SLC39A3: variants seen among roughly 807,000 people sequenced by gnomAD.
SLC39A3 encodes solute carrier family 39 member 3.
A neutral mutation model predicts 5.1 loss-of-function variants in SLC39A3; 3 were observed. The observed-to-expected ratio is 0.59, with a 90% CI of 0.27 to 1.54. The LOEUF is 1.54. SLC39A3 is among the 40% of genes most tolerant of loss of function. The pLI, the probability that SLC39A3 is intolerant of heterozygous loss-of-function variation, is 0.12. For missense variants in SLC39A3, 412 were observed against 436.4 expected, an observed-to-expected ratio of 0.94 and a Z score of 0.50; for synonymous variants, 250 against 218.8, an observed-to-expected ratio of 1.14 and a Z score of -1.26.
chr19:2,732,784 G>C lies in SLC39A3; in HGVS notation c.912C>G (p.Thr304=), dbSNP rs571363464. Reference sequence around the variant, plus strand: ...TGAGGAAGACCATCCCGGCCAGGACGGTGTAGCCCAGCACCAGGAAGAGGA... The same window carrying C: ...TGAGGAAGACCATCCCGGCCAGGACCGTGTAGCCCAGCACCAGGAAGAGGA... ...LKVLFLVLGY[T]VLAGMVFLKW is the part of the protein sequence containing the mutation. Residue 304 remains threonine (T), a synonymous_variant, in exon 3 of 3, where the codon ACC becomes ACG. Coordinates refer to ENST00000269740, the MANE Select transcript of SLC39A3 (RefSeq NM_144564.5). 1 of 1,600,166 alleles carries C rather than the reference G, an allele frequency of 6.2e-7. No homozygotes were observed. Among genetic ancestry groups the C allele is most frequent in the South Asian group, 1.1e-5 (1 of 89,974 alleles).
In SLC39A3 at chr19:2,733,255, G is replaced by A. The variant is rs768376643; in HGVS notation, c.441C>T (p.Tyr147=). The change falls in exon 3 of 3, where the codon TAC becomes TAT. Residue 147 remains tyrosine (Y), a synonymous_variant. Transcript: ENST00000269740. The surrounding 1 kb of genome is among the most constrained non-coding windows in gnomAD (Gnocchi z 6.1). ...TGGGGCCGTGGCCGTGGGGCTCCAC[G>A]TACAGCGCGTGGCCCCGCGCGCCCC... ...FMGGARGHAL[Y]VEPHGHGPSL... is the part of the protein sequence containing the mutation. 20 of 1,611,404 alleles carry A rather than the reference G, an allele frequency of 1.2e-5. No individual in the cohort carries two copies. Among genetic ancestry groups the A allele is most frequent in the Admixed American group, 3.3e-5 (2 of 59,912 alleles).
chr19:2,732,684 G>A lies in SLC39A3; in HGVS notation c.*67C>T. 2 of 1,462,282 alleles carry A rather than the reference G, an allele frequency of 1.4e-6. No homozygotes were observed. Among genetic ancestry groups the A allele is most frequent in the East Asian group, 2.5e-5 (1 of 40,420 alleles). The allele number at this position is 1,462,282 out of a possible 1,614,324, so 90.6% of individuals were successfully genotyped here. On this transcript the variant is annotated 3_prime_UTR_variant, in exon 3 of 3. Transcript: ENST00000269740. ...CGCTCTTGGGGGACGCGCGGCCGGG[G>A]GACGCGGCCTGTGTCCGGCCCGGGG...
intron 1 of SLC39A3, among the ~76,000 whole-genome samples, chr19:2,738,220 A>C (rs946303723): frequency 2.7e-5 from 4 of 149,232 alleles, no homozygotes; most frequent in South Asian, 4.3e-4. Flanking sequence ...AAAAAAAAAA[A>C]CTAAATAAAA....
Position 2,735,161 on chromosome 19 carries a change from A to T in SLC39A3, c.211-1676T>A. The stretch of plus-strand genomic sequence containing the variant: ...GGGTGACACCATGACCATGGGGGAA[A>T]AGGGGGGCTGGCAGTGGCCTCTGCG... On this transcript the variant is annotated intron_variant, in intron 2 of 2. Coordinates refer to ENST00000269740, the MANE Select transcript of SLC39A3 (RefSeq NM_144564.5). The surrounding 1 kb of genome is among the most constrained non-coding windows in gnomAD (Gnocchi z 5.7). 1.0e-6 allele frequency: 1 copy of T among 985,410 alleles called. No homozygotes were observed. The highest frequency in any genetic ancestry group is 1.2e-6 in the Non-Finnish European group (1 of 829,960). 61.0% of individuals were successfully genotyped at this position (985,410 alleles called of 1,614,324 possible). A position where few individuals can be genotyped will look rare whatever the true frequency, so the allele number is the denominator to read the frequency against.
chr19:2,735,039 G>A lies in SLC39A3; in HGVS notation c.211-1554C>T, dbSNP rs868368596. 3.9e-5 allele frequency: 38 copies of A among 985,372 alleles called. No homozygotes were observed. The East Asian group carries it at 4.5e-4, about 12-fold the overall frequency. The allele number at this position is 985,372 out of a possible 1,614,324, so 61.0% of individuals were successfully genotyped here. ...ACCAGCCCGAGGACAGGAGAACGGC[G>A]GGAAAGGTTTGGGTGCCATGAGAAG... is the stretch of plus-strand genomic sequence containing the variant. On this transcript the variant is annotated intron_variant, in intron 2 of 2. Coordinates refer to ENST00000269740, the MANE Select transcript of SLC39A3 (RefSeq NM_144564.5). The surrounding 1 kb of genome is among the most constrained non-coding windows in gnomAD (Gnocchi z 5.7).
rs1914396806 is a variant in SLC39A3 at position 2,737,170 on chromosome 19, T to C, written c.88A>G (p.Ile30Val). Residue 30 changes from isoleucine to valine, a missense_variant, in exon 2 of 3, where the codon ATC becomes GTC. Transcript: ENST00000269740. ...LLGSLLPVKI[I>V]ETDFEKAHRS... ...TGGGCCTTCTCAAAATCTGTCTCGATGATCTTCACGGGGAGCAGGGAGCCG... is the reference window on the plus strand; with the variant it reads ...TGGGCCTTCTCAAAATCTGTCTCGACGATCTTCACGGGGAGCAGGGAGCCG... 1.2e-6 allele frequency: 2 copies of C among 1,614,010 alleles called. No homozygotes were observed. Among genetic ancestry groups the C allele is most frequent in the East Asian group, 2.2e-5 (1 of 44,888 alleles).
Position 2,733,241 on chromosome 19 carries a change from CCGTGGGGCTCCACGTACAG to C in SLC39A3, c.436_454del (p.Leu146AlafsTer6). 6.2e-7 allele frequency: 1 copy of C among 1,609,138 alleles called. No individual in the cohort carries two copies. Among genetic ancestry groups the C allele is most frequent in the Non-Finnish European group, 8.5e-7 (1 of 1,177,740 alleles). ...CTGCACGCTCAGGCTGGGGCCGTGG[CCGTGGGGCTCCACGTACAG>C]CGCGTGGCCCCGCGCGCCCCCCATG... On this transcript the variant is annotated frameshift_variant, in exon 3 of 3. Transcript: ENST00000269740. LOFTEE classifies it low-confidence loss of function (END_TRUNC). This position sits in a 1 kb window ranked among gnomAD's most constrained non-coding sequence, Gnocchi z 6.1.
Position 2,737,168 on chromosome 19 carries a change from G to T in SLC39A3, c.90C>A (p.Ile30=), listed in dbSNP as rs1339509139. ...GATGGGCCTTCTCAAAATCTGTCTC[G>T]ATGATCTTCACGGGGAGCAGGGAGC... is the stretch of plus-strand genomic sequence containing the variant. The part of the protein sequence containing the change: ...LLGSLLPVKI[I]ETDFEKAHRS... The change falls in exon 2 of 3, where the codon ATC becomes ATA. Residue 30 remains isoleucine (I), a synonymous_variant. Coordinates refer to ENST00000269740, the MANE Select transcript of SLC39A3 (RefSeq NM_144564.5). 6.2e-7 allele frequency: 1 copy of T among 1,614,080 alleles called. No individual in the cohort carries two copies. The highest frequency in any genetic ancestry group is 8.5e-7 in the Non-Finnish European group (1 of 1,180,008).
Position 2,733,396 on chromosome 19 carries a change from G to T in SLC39A3, c.300C>A (p.Phe100Leu), listed in dbSNP as rs11539244. The part of the protein sequence containing the change: ...ILLLGFFMTV[F>L]LEQLILTFRK... Reference sequence around the variant, plus strand: ...GGAAGGTCAGGATCAGCTGCTCCAGGAAGACGGTCATGAAGAAGCCCAGCA... The same window carrying T: ...GGAAGGTCAGGATCAGCTGCTCCAGTAAGACGGTCATGAAGAAGCCCAGCA... Residue 100 changes from phenylalanine (F) to leucine (L), a missense_variant, in exon 3 of 3, where the codon TTC becomes TTA. By Grantham distance (22) the Phe-to-Leu change is conservative. Coordinates refer to ENST00000269740, the MANE Select transcript of SLC39A3 (RefSeq NM_144564.5). This position sits in a 1 kb window ranked among gnomAD's most constrained non-coding sequence, Gnocchi z 6.1. The T allele has an allele frequency of 8.2e-5, 132 of 1,612,998 alleles. No individual in the cohort carries two copies. The highest frequency in any genetic ancestry group is 1.1e-4 in the Non-Finnish European group (124 of 1,180,022).
In SLC39A3 at chr19:2,735,118, G is replaced by A; in HGVS notation, c.211-1633C>T. The stretch of plus-strand genomic sequence containing the variant: ...AAGCTCCCCGCAGTCGCCCAGGCCT[G>A]CAGTCAGAGGGTGACGGGGGTGACA... On this transcript the variant is annotated intron_variant, in intron 2 of 2. Coordinates refer to ENST00000269740, the MANE Select transcript of SLC39A3 (RefSeq NM_144564.5). The surrounding 1 kb of genome is among the most constrained non-coding windows in gnomAD (Gnocchi z 5.7). The A allele has an allele frequency of 6.1e-6, 6 of 985,366 alleles. No homozygotes were observed. The highest frequency in any genetic ancestry group is 6.0e-6 in the Non-Finnish European group (5 of 829,934). The allele number at this position is 985,366 out of a possible 1,614,324, so 61.0% of individuals were successfully genotyped here.
At position 2,735,615 on chromosome 19, in the gene SLC39A3, C is replaced by T. The variant is rs1360802269; in HGVS notation, c.210+1433G>A. ...GGGTGAGTGGCTCACCTGATTAGGC[C>T]AGGCCCACCCCCTCCCTTTTGATGA... On this transcript the variant is annotated intron_variant, in intron 2 of 2. Coordinates refer to ENST00000269740, the MANE Select transcript of SLC39A3 (RefSeq NM_144564.5). This position sits in a 1 kb window ranked among gnomAD's most constrained non-coding sequence, Gnocchi z 5.7. 1 of 166,652 alleles carries T rather than the reference C, an allele frequency of 6.0e-6. No individual in the cohort carries two copies. The highest frequency in any genetic ancestry group is 2.4e-5 in the African/African-American group (1 of 41,706). 10.3% of individuals were successfully genotyped at this position (166,652 alleles called of 1,614,324 possible).
chr19:2,734,132 C>T lies in SLC39A3; in HGVS notation c.211-647G>A, dbSNP rs2144695822. ...GCAGGGCGTCTGCAAGAGGTACACA[C>T]TCCTATGGGAGGGACAGCTGCTCAC... is the stretch of plus-strand genomic sequence containing the variant. On this transcript the variant is annotated intron_variant, in intron 2 of 2. Transcript: ENST00000269740. The surrounding 1 kb of genome is among the most constrained non-coding windows in gnomAD (Gnocchi z 4.6). Among the ~76,000 whole-genome samples, 1 of 152,348 alleles carries T rather than the reference C, an allele frequency of 6.6e-6. No homozygotes were observed. The highest frequency in any genetic ancestry group is 1.9e-4 in the East Asian group (1 of 5,176).
Position 2,735,605 on chromosome 19 carries a change from C to T in SLC39A3, c.210+1443G>A. 1 of 161,842 alleles carries T rather than the reference C, an allele frequency of 6.2e-6. No homozygotes were observed. 10.0% of individuals were successfully genotyped at this position (161,842 alleles called of 1,614,324 possible). A position where few individuals can be genotyped will look rare whatever the true frequency, so the allele number is the denominator to read the frequency against. On this transcript the variant is annotated intron_variant, in intron 2 of 2. Coordinates refer to ENST00000269740, the MANE Select transcript of SLC39A3 (RefSeq NM_144564.5). This position sits in a 1 kb window ranked among gnomAD's most constrained non-coding sequence, Gnocchi z 5.7. ...GCCAGCAGGAGGGTGAGTGGCTCAC[C>T]TGATTAGGCCAGGCCCACCCCCTCC...
chr19:2,733,416 C>T lies in SLC39A3; in HGVS notation c.280G>A (p.Gly94Ser), dbSNP rs1253481502. 1 of 1,612,960 alleles carries T rather than the reference C, an allele frequency of 6.2e-7. No individual in the cohort carries two copies. Among genetic ancestry groups the T allele is most frequent in the Admixed American group, 1.7e-5 (1 of 60,016 alleles). Residue 94 changes from glycine to serine, a missense_variant, in exon 3 of 3, where the codon GGC (glycine) becomes AGC (serine). Coordinates refer to ENST00000269740, the MANE Select transcript of SLC39A3 (RefSeq NM_144564.5). The surrounding 1 kb of genome is among the most constrained non-coding windows in gnomAD (Gnocchi z 6.1). The stretch of plus-strand genomic sequence containing the variant: ...TCCAGGAAGACGGTCATGAAGAAGC[C>T]CAGCAGGAGGATGGTTTCGGCCAGC... ...YPLAETILLLGFFMTVFLEQL... is the reference protein window; with the variant it reads ...YPLAETILLLSFFMTVFLEQL...
rs1914232999 is a variant in SLC39A3 at position 2,732,709 on chromosome 19, G to A, written c.*42C>T. On this transcript the variant is annotated 3_prime_UTR_variant, in exon 3 of 3. Transcript: ENST00000269740. The stretch of plus-strand genomic sequence containing the variant: ...GGACGCGGCCTGTGTCCGGCCCGGG[G>A]CTCCCGGCGGGCTCCGGCGGCAGGG... 1 of 1,504,950 alleles carries A rather than the reference G, an allele frequency of 6.6e-7. No homozygotes were observed. The highest frequency in any genetic ancestry group is 2.4e-5 in the East Asian group (1 of 42,422). The allele number at this position is 1,504,950 out of a possible 1,614,324, so 93.2% of individuals were successfully genotyped here.
In SLC39A3 at chr19:2,732,568, A is replaced by C; in HGVS notation, c.*183T>G. ...AGAAAGAAGTATTTTAAAAAGTAGC[A>C]GTGCTCTGAGGCTCAGGGTGTAGGA... On this transcript the variant is annotated 3_prime_UTR_variant, in exon 3 of 3. Transcript: ENST00000269740. 2 of 1,427,638 alleles carry C rather than the reference A, an allele frequency of 1.4e-6. No homozygotes were observed. The highest frequency in any genetic ancestry group is 1.8e-6 in the Non-Finnish European group (2 of 1,095,410). 88.4% of individuals were successfully genotyped at this position (1,427,638 alleles called of 1,614,324 possible).
Position 2,732,723 on chromosome 19 carries a change from C to T in SLC39A3, c.*28G>A, listed in dbSNP as rs769190196. The T allele has an allele frequency of 6.6e-7, 1 of 1,513,820 alleles. No homozygotes were observed. Among genetic ancestry groups the T allele is most frequent in the Admixed American group, 2.2e-5 (1 of 45,144 alleles). 93.8% of individuals were successfully genotyped at this position (1,513,820 alleles called of 1,614,324 possible). A position where few individuals can be genotyped will look rare whatever the true frequency, so the allele number is the denominator to read the frequency against. ...TCCGGCCCGGGGCTCCCGGCGGGCT[C>T]CGGCGGCAGGGACAATGGCGAGGCC... On this transcript the variant is annotated 3_prime_UTR_variant, in exon 3 of 3. Transcript: ENST00000269740.
rs1914312705 is a variant in SLC39A3 at position 2,734,910 on chromosome 19, T to C, written c.211-1425A>G. 26 of 985,480 alleles carry C rather than the reference T, an allele frequency of 2.6e-5. No homozygotes were observed. Among genetic ancestry groups the C allele is most frequent in the Non-Finnish European group, 3.1e-5 (26 of 829,962 alleles). The allele number at this position is 985,480 out of a possible 1,614,324, so 61.0% of individuals were successfully genotyped here. ...CGTTGATCAGGAGAGATGAGGCAGA[T>C]GCACGGGAGCTGTGAACCAGGCACC... is the stretch of plus-strand genomic sequence containing the variant. On this transcript the variant is annotated intron_variant, in intron 2 of 2. Coordinates refer to ENST00000269740, the MANE Select transcript of SLC39A3 (RefSeq NM_144564.5). The surrounding 1 kb of genome is among the most constrained non-coding windows in gnomAD (Gnocchi z 4.6).
rs996819651 is a variant in SLC39A3, at chr19:2,735,369, G to A, written c.210+1679C>T. The A allele has an allele frequency of 1.3e-5, 3 of 232,972 alleles. No individual in the cohort carries two copies. The Admixed American group carries it at 2.0e-4, about 15-fold the overall frequency. The allele number at this position is 232,972 out of a possible 1,614,324, so 14.4% of individuals were successfully genotyped here. A position where few individuals can be genotyped will look rare whatever the true frequency, so the allele number is the denominator to read the frequency against. On this transcript the variant is annotated intron_variant, in intron 2 of 2. Coordinates refer to ENST00000269740, the MANE Select transcript of SLC39A3 (RefSeq NM_144564.5). This position sits in a 1 kb window ranked among gnomAD's most constrained non-coding sequence, Gnocchi z 5.7. Reference sequence around the variant, plus strand: ...TGGGCCCTACGCTCCAGGTCTCGCAGGGTGTCATCAGGGCTGAGATCTCAC... The same window carrying A: ...TGGGCCCTACGCTCCAGGTCTCGCAAGGTGTCATCAGGGCTGAGATCTCAC...
Sources: allele counts gnomAD v4.1 joint callset (sites outside exome capture counted in the v4.1 genomes callset), GRCh38; gene constraint gnomAD v4.1.1; non-coding constraint Gnocchi (gnomAD v3.1); transcripts MANE v1.5; gene names NCBI Gene and HGNC (gene_info 2026-07-23, HGNC 2026-07-21).